The following ZBTB8OS variants were observed in gnomAD, a reference collection of about 807,000 sequenced individuals.
ZBTB8OS encodes the protein tRNA-splicing ligase-activating factor archease.
Under a neutral mutation model 29.3 loss-of-function variants are expected in ZBTB8OS, and 16 were observed. The ratio of observed to expected loss-of-function variants is 0.55; its 90% CI spans 0.37 to 0.83. ZBTB8OS has a LOEUF of 0.83. Ranked by LOEUF, ZBTB8OS falls within the 40% of genes least tolerant of loss-of-function variation. The pLI, the probability that ZBTB8OS is intolerant of heterozygous loss-of-function variation, is 0.00. For missense variants in ZBTB8OS, 160 were observed against 196.9 expected, an observed-to-expected ratio of 0.81 and a Z score of 1.12; for synonymous variants, 70 against 64.6, an observed-to-expected ratio of 1.08 and a Z score of -0.40.
chr1:32,634,106 A>G, intron 2 of ZBTB8OS, 34 bp from the exon 3 acceptor site: 1 of 1,392,246 alleles, frequency 7.2e-7, no homozygotes, highest in Middle Eastern at 1.9e-4. Flanking sequence ...GTGTAATACA[A>G]TCCACTGCAA....
intron 1 of ZBTB8OS, among the ~76,000 whole-genome samples, chr1:32,649,618 GACCCC>G (rs1173706632): frequency 1.3e-5 from 2 of 149,888 alleles, no homozygotes; most frequent in Non-Finnish European, 3.0e-5. Context: ...GACAGAGCGA[GACCCC>G]ATCTCTAAAA....
chr1:32,638,019 T>C (rs910031540), intron 1 of ZBTB8OS, among the ~76,000 whole-genome samples: 1 of 151,702 alleles, frequency 6.6e-6, no homozygotes, highest in African/African-American at 2.4e-5. Context: ...ATTTTTTAAG[T>C]ATAGACAGGA....
intron 1 of ZBTB8OS, among the ~76,000 whole-genome samples, chr1:32,641,785 G>T (rs1400471983): frequency 1.3e-5 from 2 of 151,704 alleles, no homozygotes; most frequent in Non-Finnish European, 2.9e-5. Flanking sequence ...GCCGGGCATG[G>T]TGGCTGGCGC....
At chr1:32,636,160 C>T (rs116115162) in intron 1 of ZBTB8OS, among the ~76,000 whole-genome samples, 4,601 of 152,178 alleles carry the variant, frequency 0.03, 234 homozygotes, top group African/African-American at 0.1. Context: ...CCTGTGATTC[C>T]ATCTCCAACC....
At chr1:32,631,991 CCTT>C in intron 4 of ZBTB8OS, 112 bp from the exon 5 acceptor site, 2 of 240,140 alleles carry the variant, frequency 8.3e-6, no homozygotes, top group South Asian at 1.2e-4. Context: ...ATTGGTAAAA[CCTT>C]TTTTTTTTTT....
chr1:32,627,457 T>G (rs745497503), intron 6 of ZBTB8OS, 51 bp downstream of exon 6: 1 of 1,573,186 alleles, frequency 6.4e-7, no homozygotes, highest in Non-Finnish European at 8.7e-7. Context: ...TATATGAACT[T>G]TATGGTAAGG....
chr1:32,648,129 A>G (rs1646995461), intron 1 of ZBTB8OS, among the ~76,000 whole-genome samples: 1 of 152,246 alleles, frequency 6.6e-6, no homozygotes, highest in African/African-American at 2.4e-5. Context: ...AAAACAGTAT[A>G]ATATGTTCAA....
At chr1:32,632,448 T>TTTGTTTGTTTGTTTGAGA (rs1645642081) in intron 4 of ZBTB8OS, 1 of 152,188 alleles carries the variant, frequency 6.6e-6, no homozygotes, top group Non-Finnish European at 1.5e-5. Context: ...AAGGTTTCAC[T>TTTGTTTGTTTGTTTGAGA]CTGTTGCCCA....
intron 4 of ZBTB8OS, 144 bp downstream of exon 4, chr1:32,633,501 G>A: frequency 1.7e-6 from 1 of 591,282 alleles, no homozygotes; most frequent in Admixed American, 3.6e-5. Context: ...AGTGCCCGTG[G>A]TCATTATAAT....
At chr1:32,627,593 T>A in intron 5 of ZBTB8OS, 49 bp from the exon 6 acceptor site, 1 of 1,570,088 alleles carries the variant, frequency 6.4e-7, no homozygotes, top group Non-Finnish European at 8.7e-7. Context: ...TCTCTTTATA[T>A]GTTTTAAAAT....
intron 3 of ZBTB8OS, 101 bp from the exon 4 acceptor site, chr1:32,633,828 A>G (rs1011682149): frequency 3.3e-5 from 48 of 1,473,324 alleles, no homozygotes; most frequent in Non-Finnish European, 3.3e-5. Flanking sequence ...TTTAAAGAGA[A>G]AGAAAAGACT....
chr1:32,636,767 G>GAA (rs2148398300), intron 1 of ZBTB8OS, among the ~76,000 whole-genome samples: 1 of 151,768 alleles, frequency 6.6e-6, no homozygotes, highest in Admixed American at 6.6e-5. Flanking sequence ...GTCCGTCGTA[G>GAA]AAATGCCTGC....
chr1:32,634,387 C>T (rs549574196), intron 2 of ZBTB8OS: 50 of 310,674 alleles, frequency 1.6e-4, no homozygotes, highest in Admixed American at 1.4e-3. Context: ...CCACCAGACC[C>T]GGCTAATTTT....
chr1:32,644,442 T>G (rs1209368191), intron 1 of ZBTB8OS, among the ~76,000 whole-genome samples: 1 of 151,786 alleles, frequency 6.6e-6, no homozygotes, highest in Non-Finnish European at 1.5e-5. Flanking sequence ...ACAGAGTTAG[T>G]AAATACCAGG....
At chr1:32,627,982 T>C (rs1053470575) in intron 5 of ZBTB8OS, 4 of 165,464 alleles carry the variant, frequency 2.4e-5, no homozygotes, top group African/African-American at 9.6e-5. Flanking sequence ...AAGTCAAGGC[T>C]GCAGTGAGCT....
intron 1 of ZBTB8OS, among the ~76,000 whole-genome samples, chr1:32,649,776 T>C (rs1647177827): frequency 6.6e-6 from 1 of 151,932 alleles, no homozygotes; most frequent in Admixed American, 6.6e-5. Context: ...GCGATTCTCC[T>C]GCCTCAGTCT....
At chr1:32,644,373 G>C (rs686234) in intron 1 of ZBTB8OS, among the ~76,000 whole-genome samples, 1 of 151,726 alleles carries the variant, frequency 6.6e-6, no homozygotes, top group Non-Finnish European at 1.5e-5. Flanking sequence ...TTAGCTAAGG[G>C]AGAGTCAATT....
chr1:32,640,934 G>T (rs1024737199), intron 1 of ZBTB8OS, among the ~76,000 whole-genome samples: 1 of 150,134 alleles, frequency 6.7e-6, no homozygotes, highest in Admixed American at 6.7e-5. Context: ...GGAGGCCGAG[G>T]TGGGCCGATC....
intron 1 of ZBTB8OS, 89 bp from the exon 2 acceptor site, chr1:32,634,881 G>T: frequency 2.2e-6 from 2 of 920,862 alleles, no homozygotes; most frequent in South Asian, 1.3e-5. Flanking sequence ...TTATTATTAG[G>T]AATATCATCT....
Sources: allele counts gnomAD v4.1 joint callset (sites outside exome capture counted in the v4.1 genomes callset), GRCh38; gene constraint gnomAD v4.1.1; transcripts MANE v1.5; gene names NCBI Gene and HGNC (gene_info 2026-07-23, HGNC 2026-07-21).